Variants in SDK1 observed in about 807,000 individuals in gnomAD.
SDK1 encodes the protein sidekick cell adhesion molecule 1.
A neutral mutation model predicts 245.5 loss-of-function variants in SDK1; 157 were observed. The observed-to-expected ratio is 0.64, with a 90% CI of 0.56 to 0.73. The LOEUF is 0.73. Ranked by LOEUF, SDK1 falls within the 30% of genes least tolerant of loss-of-function variation. The probability of loss-of-function intolerance (pLI) is 0.00; values close to 1 mark genes in which losing one functional copy is unlikely to be tolerated. For missense variants in SDK1, 3,583 were observed against 3,002.3 expected (o/e 1.19, Z -4.52); for synonymous variants, 1,647 against 1,278.5 (o/e 1.29, Z -6.15).
At chr7:3,623,311 G>A (rs1782002712) in intron 2 of SDK1, among the ~76,000 whole-genome samples, 1 of 147,728 alleles carries the variant, frequency 6.8e-6, no homozygotes, top group Non-Finnish European at 1.5e-5. Flanking sequence ...GCAGTGGAGC[G>A]ATCTCGGCTC....
At position 3,856,526 on chromosome 7, in the gene SDK1, C is replaced by T. The variant is rs1247607322; in HGVS notation, c.847+34943C>T. Among the ~76,000 whole-genome samples the T allele has an allele frequency of 2.7e-5, 4 of 147,796 alleles. No homozygotes were observed. In the East Asian group the frequency reaches 5.9e-4, roughly 22 times the overall value. ...AAGCAGCTGGCCGGGCATGGTGGCT[C>T]ACGCTTGCAATCCCAGTACTTTGGG... On this transcript the variant is annotated intron_variant, in intron 5 of 44. Coordinates refer to ENST00000404826, the MANE Select transcript of SDK1 (RefSeq NM_152744.4).
intron 42 of SDK1, 56 bp downstream of exon 42, chr7:4,237,840 G>A (rs866022228): frequency 5.0e-6 from 8 of 1,597,774 alleles, no homozygotes; most frequent in South Asian, 4.4e-5. Flanking sequence ...CCAAAACATA[G>A]CGTTCGTTCT....
intron 1 of SDK1, among the ~76,000 whole-genome samples, chr7:3,355,234 C>T (rs906984646): frequency 2.6e-5 from 4 of 152,126 alleles, no homozygotes; most frequent in African/African-American, 7.2e-5. Context: ...AATATAAATG[C>T]GTCATTCACG....
chr7:3,687,069 A>ACG, intron 4 of SDK1, among the ~76,000 whole-genome samples: 1 of 109,322 alleles, frequency 9.1e-6, no homozygotes, highest in Non-Finnish European at 1.8e-5. Flanking sequence ...ACACACACAC[A>ACG]CACACACACA....
intron 4 of SDK1, among the ~76,000 whole-genome samples, chr7:3,684,941 C>A (rs1271231785): frequency 6.6e-6 from 1 of 151,972 alleles, no homozygotes; most frequent in African/African-American, 2.4e-5. Context: ...CCAATCTGAA[C>A]AACTAAGAAA....
At chr7:4,017,118 C>T (rs553327005) in intron 16 of SDK1, 53 bp from the exon 17 acceptor site, 27 of 1,524,996 alleles carry the variant, frequency 1.8e-5, no homozygotes, top group African/African-American at 5.5e-5. Flanking sequence ...GGGTAAACAC[C>T]GTTCCTGGGT....
chr7:3,758,576 G>A (rs949059755), intron 4 of SDK1, among the ~76,000 whole-genome samples: 1 of 152,162 alleles, frequency 6.6e-6, no homozygotes, highest in African/African-American at 2.4e-5. Context: ...GGCCTTGAGA[G>A]CTTTCTCCAG....
intron 1 of SDK1, among the ~76,000 whole-genome samples, chr7:3,548,312 C>T (rs1020829658): frequency 6.6e-6 from 1 of 152,068 alleles, no homozygotes; most frequent in African/African-American, 2.4e-5. Flanking sequence ...ACACTGTATA[C>T]AAAAATTAAT....
Position 4,130,022 on chromosome 7 carries a change from C to T in SDK1, c.4054C>T (p.Gln1352Ter). Reference sequence around the variant, plus strand: ...GCGCAAGTTCGTGCTCTACGAGCTCCAGGTGCTGGCGTTCACCCGCATCGG... The same window carrying T: ...GCGCAAGTTCGTGCTCTACGAGCTCTAGGTGCTGGCGTTCACCCGCATCGG... ...GLRKFVLYELQVLAFTRIGNG... is the reference protein window; with the variant it reads ...GLRKFVLYEL Residue 1352 changes from glutamine to a stop codon, truncating the protein, a stop_gained, in exon 27 of 45, where the codon CAG becomes TAG. Transcript: ENST00000404826. LOFTEE classifies it high-confidence loss of function. The T allele has an allele frequency of 6.2e-7, 1 of 1,613,562 alleles. No individual in the cohort carries two copies. Among genetic ancestry groups the T allele is most frequent in the Non-Finnish European group, 8.5e-7 (1 of 1,179,894 alleles).
intron 38 of SDK1, among the ~76,000 whole-genome samples, chr7:4,211,572 G>A (rs1490211592): frequency 1.3e-5 from 2 of 152,102 alleles, no homozygotes; most frequent in Non-Finnish European, 2.9e-5. Context: ...TGCACCTGCT[G>A]GGTCAGTGCA....
At chr7:3,642,191 G>T in intron 4 of SDK1, 86 bp downstream of exon 4, 1 of 1,327,468 alleles carries the variant, frequency 7.5e-7, no homozygotes, top group Non-Finnish European at 1.0e-6. Flanking sequence ...ACCAATTAAG[G>T]TTACCGATGA....
chr7:4,242,755 G>A (rs568813012), intron 43 of SDK1, among the ~76,000 whole-genome samples: 45 of 152,336 alleles, frequency 3.0e-4, no homozygotes, highest in African/African-American at 8.7e-4. Flanking sequence ...TCCAGACCCA[G>A]ACAGACCCCA....
rs114342848 is a variant in SDK1 at position 3,852,197 on chromosome 7, G to A, written c.847+30614G>A. Among the ~76,000 whole-genome samples, 1,028 of 149,454 alleles carry A rather than the reference G, an allele frequency of 6.9e-3. 10 individuals carry two copies. Among genetic ancestry groups the A allele is most frequent in the African/African-American group, 0.024 (962 of 40,710 alleles). On this transcript the variant is annotated intron_variant, in intron 5 of 44. Transcript: ENST00000404826. ...CTAGGCTTTTTTTTTTTTTTAACTT[G>A]AGATTCTTTAAATCATTTTGAAATT...
At chr7:4,076,938 A>T (rs1213734045) in intron 20 of SDK1, 60 bp from the exon 21 acceptor site, 2 of 1,451,754 alleles carry the variant, frequency 1.4e-6, no homozygotes, top group Non-Finnish European at 1.9e-6. Context: ...GTGCTGTGGA[A>T]TTCAGGTGAG....
intron 1 of SDK1, among the ~76,000 whole-genome samples, chr7:3,560,034 A>C (rs571159946): frequency 6.6e-6 from 1 of 152,242 alleles, no homozygotes; most frequent in Non-Finnish European, 1.5e-5. Flanking sequence ...AGATAGCTCA[A>C]AGCAACCTGT....
intron 1 of SDK1, among the ~76,000 whole-genome samples, chr7:3,420,274 T>A (rs888874812): frequency 6.6e-6 from 1 of 152,240 alleles, no homozygotes; most frequent in Non-Finnish European, 1.5e-5. Flanking sequence ...AAGTGTTGTT[T>A]AACAGAAAAG....
rs1403868144 is a variant in SDK1, at chr7:3,411,942, A to G, written c.298+110058A>G. Among the ~76,000 whole-genome samples the G allele has an allele frequency of 4.6e-5, 7 of 152,340 alleles. No individual in the cohort carries two copies. The South Asian group carries it at 1.5e-3, about 32-fold the overall frequency. On this transcript the variant is annotated intron_variant, in intron 1 of 44. Transcript: ENST00000404826. ...TCCTAGGAAGAAGAAATGATTTCCA[A>G]ACAGAATTAGCATGTAGAGGAGAAA...
intron 1 of SDK1, among the ~76,000 whole-genome samples, chr7:3,388,662 GGAGAT>G (rs1306837360): frequency 2.6e-5 from 4 of 152,114 alleles, no homozygotes; most frequent in Non-Finnish European, 5.9e-5. Context: ...GTGCATTAGT[GGAGAT>G]GAGATATTAA....
At chr7:3,516,282 C>G (rs1782748229) in intron 1 of SDK1, among the ~76,000 whole-genome samples, 3 of 151,732 alleles carry the variant, frequency 2.0e-5, no homozygotes, top group African/African-American at 7.3e-5. Context: ...CACATATATA[C>G]TATGTTTACT....
Sources: gnomAD v4.1 joint callset for allele counts (sites outside exome capture counted in the v4.1 genomes callset) on GRCh38, gnomAD v4.1.1 for gene constraint, MANE v1.5 for transcripts, NCBI Gene and HGNC (gene_info 2026-07-23, HGNC 2026-07-21) for gene names.